The following SUSD1 variants were observed in gnomAD, a reference collection of about 807,000 sequenced individuals.
SUSD1 encodes sushi domain-containing protein 1.
Under a neutral mutation model 86.9 loss-of-function variants are expected in SUSD1, and 65 were observed. That is an observed-to-expected ratio of 0.75 (90% CI 0.61 to 0.92). The LOEUF (loss-of-function observed/expected upper bound fraction) is 0.92. SUSD1 is among the 40% of genes least tolerant of loss of function. SUSD1 has a pLI of 0.00. For synonymous variants in SUSD1, 346 were observed against 350.0 expected (o/e 0.99, Z 0.13); for missense variants, 850 against 929.7 (o/e 0.91, Z 1.11).
At chr9:112,166,062 TG>T (rs1833817232) in intron 1 of SUSD1, among the ~76,000 whole-genome samples, 1 of 152,134 alleles carries the variant, frequency 6.6e-6, no homozygotes, top group South Asian at 2.1e-4. Flanking sequence ...GCTCAATACA[TG>T]TTTGTTCCCC....
rs146795665 is a variant in SUSD1 at position 112,173,658 on chromosome 9, C to T, written c.103+1475G>A. The T allele has an allele frequency of 4.8e-5, 22 of 457,588 alleles. 1 individual carries two copies. The highest frequency in any genetic ancestry group is 2.3e-4 in the South Asian group (14 of 59,608). The allele number at this position is 457,588 out of a possible 1,614,324, so 28.3% of individuals were successfully genotyped here. The stretch of plus-strand genomic sequence containing the variant: ...GCACAGCCTGAGCCCCTTGGCAATG[C>T]GGGCACGAGCACGTTTCCCAAGCTT... On this transcript the variant is annotated intron_variant, in intron 1 of 16. Transcript: ENST00000374270.
intron 10 of SUSD1, 68 bp downstream of exon 10, chr9:112,098,402 G>A (rs145995403): frequency 2.7e-5 from 41 of 1,513,612 alleles, no homozygotes; most frequent in South Asian, 1.6e-4. Context: ...TCTTATGCCC[G>A]CCCACACTGC....
chr9:112,115,269 T>C (rs1831264818), intron 6 of SUSD1, among the ~76,000 whole-genome samples: 1 of 152,164 alleles, frequency 6.6e-6, no homozygotes, highest in South Asian at 2.1e-4. Flanking sequence ...AAAGAAGAGT[T>C]TATATCTTTA....
chr9:112,104,468 G>A (rs1053395020), intron 8 of SUSD1, among the ~76,000 whole-genome samples: 2 of 152,090 alleles, frequency 1.3e-5, no homozygotes, highest in African/African-American at 4.8e-5. Flanking sequence ...GAAGGACTTC[G>A]AAGTAGAGGC....
At chr9:112,140,182 G>A (rs1175649187) in intron 5 of SUSD1, among the ~76,000 whole-genome samples, 1 of 128,318 alleles carries the variant, frequency 7.8e-6, no homozygotes, top group Non-Finnish European at 1.6e-5. Context: ...CTAACAAGGT[G>A]AAACCCCGTC....
intron 9 of SUSD1, 43 bp from the exon 10 acceptor site, chr9:112,098,705 TGA>T: frequency 6.3e-7 from 1 of 1,588,856 alleles, no homozygotes; most frequent in Non-Finnish European, 8.6e-7. Context: ...GATTTTCCAT[TGA>T]CTAACAGGTG....
chr9:112,130,848 C>CA (rs35275299), intron 5 of SUSD1, among the ~76,000 whole-genome samples: 17,010 of 117,860 alleles, frequency 0.14, 1,236 homozygotes, highest in East Asian at 0.24. Context: ...AACATCTCTA[C>CA]AAAAAAAAAA....
At chr9:112,071,086 G>A (rs1829248395) in intron 12 of SUSD1, among the ~76,000 whole-genome samples, 1 of 152,110 alleles carries the variant, frequency 6.6e-6, no homozygotes, top group Non-Finnish European at 1.5e-5. Context: ...CTGGACTCAA[G>A]CAGTCCTCTC....
chr9:112,173,653 C>A, intron 1 of SUSD1: 1 of 461,206 alleles, frequency 2.2e-6, no homozygotes, highest in Non-Finnish European at 4.2e-6. Flanking sequence ...AGCCCCTTGG[C>A]AATGCGGGCA....
intron 1 of SUSD1, among the ~76,000 whole-genome samples, chr9:112,165,441 G>A (rs1167347649): frequency 3.3e-5 from 4 of 121,620 alleles, no homozygotes; most frequent in African/African-American, 1.3e-4. Flanking sequence ...ACAAGGTCTC[G>A]CTCTGTCCCC....
chr9:112,116,316 C>A (rs1245813651), intron 6 of SUSD1, among the ~76,000 whole-genome samples: 1 of 152,114 alleles, frequency 6.6e-6, no homozygotes, highest in Non-Finnish European at 1.5e-5. Flanking sequence ...ATATTTCATC[C>A]CAGGGAGCAG....
At chr9:112,162,658 T>C (rs929893447) in intron 1 of SUSD1, among the ~76,000 whole-genome samples, 1 of 152,198 alleles carries the variant, frequency 6.6e-6, no homozygotes, top group African/African-American at 2.4e-5. Flanking sequence ...GAACTTTAAA[T>C]TATACCAAGC....
chr9:112,067,200 C>A (rs1337910855), intron 12 of SUSD1, among the ~76,000 whole-genome samples: 1 of 152,148 alleles, frequency 6.6e-6, no homozygotes, highest in East Asian at 1.9e-4. Flanking sequence ...GGGTTTTATT[C>A]TTCTTCTTAG....
At position 112,124,260 on chromosome 9, in the gene SUSD1, T is replaced by C. The variant is rs1831672528; in HGVS notation, c.883A>G (p.Thr295Ala). 1 of 1,612,708 alleles carries C rather than the reference T, an allele frequency of 6.2e-7. No individual in the cohort carries two copies. Among genetic ancestry groups the C allele is most frequent in the African/African-American group, 1.3e-5 (1 of 74,894 alleles). The change falls in exon 6 of 17, where the codon ACA (threonine) becomes GCA (alanine). Residue 295 changes from threonine to alanine, a missense_variant. Thr to Ala is a moderately conservative substitution (Grantham distance 58, BLOSUM62 0). Coordinates refer to ENST00000374270, the MANE Select transcript of SUSD1 (RefSeq NM_022486.5). ...GTWRESTLTCTEILTKINDVS... is the reference protein window; with the variant it reads ...GTWRESTLTCAEILTKINDVS... ...GAGCCCAGAACAGAATCTGTACCTG[T>C]GCATGTTAAAGTACTTTCTCTCCAG...
At position 112,098,597 on chromosome 9, in the gene SUSD1, T is replaced by G. The variant is rs3739698; in HGVS notation, c.1347A>C (p.Thr449=). ...ACACTACAGGCACTTGTTCCCTCGT[T>G]GTGAAGTTAAACGATGTTGCATGAG... ...NFSHATSFNF[T]TREQVPVVCL... Residue 449 remains threonine (T), a synonymous_variant, in exon 10 of 17, where the codon ACA becomes ACC. Coordinates refer to ENST00000374270, the MANE Select transcript of SUSD1 (RefSeq NM_022486.5). 1.9e-5 allele frequency: 30 copies of G among 1,614,176 alleles called. No individual in the cohort carries two copies. In the East Asian group the frequency reaches 6.7e-4, roughly 36 times the overall value.
chr9:112,128,259 A>AT (rs1338638461), intron 5 of SUSD1, among the ~76,000 whole-genome samples: 6 of 151,670 alleles, frequency 4.0e-5, no homozygotes, highest in Admixed American at 2.0e-4. Flanking sequence ...CACCCAGCTA[A>AT]TTTTTTGTAG....
chr9:112,120,627 A>G (rs1463982284), intron 6 of SUSD1, among the ~76,000 whole-genome samples: 1 of 152,254 alleles, frequency 6.6e-6, no homozygotes, highest in Non-Finnish European at 1.5e-5. Context: ...TTCTTAAATC[A>G]AAGCTTGCAT....
intron 5 of SUSD1, among the ~76,000 whole-genome samples, chr9:112,131,954 G>C (rs1832052850): frequency 6.6e-6 from 1 of 152,198 alleles, no homozygotes; most frequent in Non-Finnish European, 1.5e-5. Context: ...AATGTGTTGT[G>C]CTGGTTTCAA....
chr9:112,143,635 A>T lies in SUSD1; in HGVS notation c.374-12T>A, dbSNP rs745964587. 5.0e-6 allele frequency: 8 copies of T among 1,592,280 alleles called. 1 individual carries two copies. In the South Asian group the frequency reaches 9.3e-5, roughly 19 times the overall value. ...ACACTCATCTATGTCTTGGGACCCA[A>T]TCCAAATAGAGAAAAGGAGATAAAA... On this transcript the variant is annotated splice_polypyrimidine_tract_variant and intron_variant, in intron 3 of 16. Coordinates refer to ENST00000374270, the MANE Select transcript of SUSD1 (RefSeq NM_022486.5).
Sources: gnomAD v4.1 joint callset for allele counts (sites outside exome capture counted in the v4.1 genomes callset) on GRCh38, gnomAD v4.1.1 for gene constraint, MANE v1.5 for transcripts, NCBI Gene and HGNC (gene_info 2026-07-23, HGNC 2026-07-21) for gene names.